Variants in ASXL1 observed in about 807,000 individuals in gnomAD.
The protein encoded by ASXL1 is ASXL transcriptional regulator 1.
In ASXL1, 65 loss-of-function variants were observed where a neutral mutation model predicts 89.1. The observed-to-expected ratio is 0.73, with a 90% CI of 0.60 to 0.90. The LOEUF (loss-of-function observed/expected upper bound fraction) is 0.90. Among genes scored for constraint, ASXL1 ranks in the 40% least tolerant of loss-of-function variants. The pLI is 0.00. For missense variants in ASXL1, 1,786 were observed against 1,942.9 expected, an observed-to-expected ratio of 0.92 and a Z score of 1.52; for synonymous variants, 739 against 746.9, an observed-to-expected ratio of 0.99 and a Z score of 0.17.
At position 32,435,900 on chromosome 20, in the gene ASXL1, A is replaced by G. The variant is rs773717376; in HGVS notation, c.3188A>G (p.Gln1063Arg). ...VTRTDGMVAPQSWVSRVCAVR... is the reference protein window; with the variant it reads ...VTRTDGMVAPRSWVSRVCAVR... Reference sequence around the variant, plus strand: ...AGGACAGATGGGATGGTTGCTCCTCAGAGCTGGGTGTCTCGAGTATGTGCG... The same window carrying G: ...AGGACAGATGGGATGGTTGCTCCTCGGAGCTGGGTGTCTCGAGTATGTGCG... Residue 1063 changes from glutamine (Q) to arginine (R), a missense_variant, in exon 13 of 13, where the codon CAG (glutamine) becomes CGG (arginine). By Grantham distance (43) the Gln-to-Arg change is conservative. This residue lies in a region of ASXL1 where 1,418 missense variants were observed against 1,427.8 expected (regional missense o/e 0.99). Transcript: ENST00000375687. 6.2e-7 allele frequency: 1 copy of G among 1,614,202 alleles called. No individual in the cohort carries two copies.
In ASXL1 at chr20:32,433,313, A is replaced by G. The variant is rs2123252570; in HGVS notation, c.1115A>G (p.Gln372Arg). The G allele has an allele frequency of 1.2e-6, 2 of 1,614,186 alleles. No homozygotes were observed. ...GGTTTGACCAAAGAAGAGTCATTGC[A>G]GCAGAACGTGGGCCAGGAGGAGGCT... is the stretch of plus-strand genomic sequence containing the variant. Reference protein sequence around the residue: ...KLGLTKEESLQQNVGQEEAEI... With the variant: ...KLGLTKEESLRQNVGQEEAEI... The change falls in exon 12 of 13, where the codon CAG becomes CGG. Residue 372 changes from glutamine (Q) to arginine (R), a missense_variant. By Grantham distance (43) the Gln-to-Arg change is conservative. This residue lies in a region of ASXL1 where 1,418 missense variants were observed against 1,427.8 expected (regional missense o/e 0.99). Coordinates refer to ENST00000375687, the MANE Select transcript of ASXL1 (RefSeq NM_015338.6).
Position 32,433,508 on chromosome 20 carries a change from A to C in ASXL1, c.1310A>C (p.Lys437Thr). Residue 437 changes from lysine (K) to threonine (T), a missense_variant, in exon 12 of 13, where the codon AAG becomes ACG. Around this residue, in one of 3 missense-constraint regions of ASXL1, gnomAD observed 1,418 missense variants for 1,427.8 expected, o/e 0.99. Coordinates refer to ENST00000375687, the MANE Select transcript of ASXL1 (RefSeq NM_015338.6). ...GAGTCAGAACAAGCAGGGGTTGCTA[A>C]GGATGCAAAATCTGTGGCCTCAGAT... ...KQESEQAGVA[K>T]DAKSVASDVP... 1 of 1,614,210 alleles carries C rather than the reference A, an allele frequency of 6.2e-7. No homozygotes were observed. Among genetic ancestry groups the C allele is most frequent in the Non-Finnish European group, 8.5e-7 (1 of 1,180,030 alleles).
chr20:32,376,435 C>T (rs533732649), intron 4 of ASXL1, among the ~76,000 whole-genome samples: 5 of 151,896 alleles, frequency 3.3e-5, no homozygotes, highest in African/African-American at 7.2e-5. Flanking sequence ...CCACCACACC[C>T]GACTAATTTT....
chr20:32,375,164 T>C (rs950439750), intron 4 of ASXL1, among the ~76,000 whole-genome samples: 13 of 152,124 alleles, frequency 8.5e-5, no homozygotes, highest in Admixed American at 6.6e-5. Flanking sequence ...TTAGATAGTA[T>C]GTCTTAAGAA....
Position 32,436,784 on chromosome 20 carries a change from C to G in ASXL1, c.4072C>G (p.Pro1358Ala), listed in dbSNP as rs554525759. The change falls in exon 13 of 13, where the codon CCA becomes GCA. Residue 1358 changes from proline to alanine, a missense_variant. Physicochemically the swap from Pro to Ala is conservative, Grantham distance 27. Coordinates refer to ENST00000375687, the MANE Select transcript of ASXL1 (RefSeq NM_015338.6). ...GVQTPREDWA[P>A]KPHAFVGSVK... ...ACAGACTCCAAGGGAAGACTGGGCT[C>G]CAAAGCCACATGCCTTTGTTGGCAG... 7 of 1,614,196 alleles carry G rather than the reference C, an allele frequency of 4.3e-6. No homozygotes were observed. In the Admixed American group the frequency reaches 5.0e-5, roughly 12 times the overall value.
At chr20:32,413,404 TATTTCA>T (rs1277900310) in intron 4 of ASXL1, among the ~76,000 whole-genome samples, 1 of 152,178 alleles carries the variant, frequency 6.6e-6, no homozygotes. Flanking sequence ...AATCATGTTA[TATTTCA>T]CATAATTCAA....
chr20:32,404,725 A>G (rs953057196), intron 4 of ASXL1, among the ~76,000 whole-genome samples: 1 of 152,196 alleles, frequency 6.6e-6, no homozygotes, highest in African/African-American at 2.4e-5. Flanking sequence ...CCGCTTTCAG[A>G]TAGAAAGCCT....
At chr20:32,400,962 C>G (rs2123052611) in intron 4 of ASXL1, among the ~76,000 whole-genome samples, 1 of 152,216 alleles carries the variant, frequency 6.6e-6, no homozygotes, top group African/African-American at 2.4e-5. Context: ...TAAATCTGGT[C>G]CCTGTTGTGC....
chr20:32,424,532 T>A (rs1377465774), intron 4 of ASXL1, among the ~76,000 whole-genome samples: 1 of 152,094 alleles, frequency 6.6e-6, no homozygotes, highest in African/African-American at 2.4e-5. Context: ...GAGACTCTTG[T>A]CTCAAAAAAC....
chr20:32,369,249 A>T (rs2048256987), intron 4 of ASXL1, 126 bp downstream of exon 4: 1 of 915,364 alleles, frequency 1.1e-6, no homozygotes, highest in Non-Finnish European at 1.8e-6. Flanking sequence ...GGTGACACTG[A>T]TGTTTTTCTT....
chr20:32,384,411 G>A (rs896953092), intron 4 of ASXL1, among the ~76,000 whole-genome samples: 2 of 152,010 alleles, frequency 1.3e-5, no homozygotes, highest in Admixed American at 6.6e-5. Context: ...CCCCAGGCTG[G>A]TCTTAAACTC....
intron 4 of ASXL1, among the ~76,000 whole-genome samples, chr20:32,404,752 A>G (rs552883217): frequency 6.6e-6 from 1 of 152,294 alleles, no homozygotes; most frequent in East Asian, 1.9e-4. Flanking sequence ...TTTCACCACT[A>G]GTATGATGTT....
intron 4 of ASXL1, among the ~76,000 whole-genome samples, chr20:32,407,605 AG>A (rs1387026727): frequency 2.0e-5 from 3 of 152,066 alleles, no homozygotes; most frequent in African/African-American, 7.2e-5. Flanking sequence ...CTGGGACTAC[AG>A]ACACGTGCCA....
chr20:32,414,290 C>G (rs2049099098), intron 4 of ASXL1, among the ~76,000 whole-genome samples: 1 of 151,090 alleles, frequency 6.6e-6, no homozygotes, highest in Non-Finnish European at 1.5e-5. Flanking sequence ...GTGGGACTCT[C>G]TTAATGGAGC....
At chr20:32,361,196 A>C (rs2048104542) in intron 1 of ASXL1, among the ~76,000 whole-genome samples, 1 of 152,204 alleles carries the variant, frequency 6.6e-6, no homozygotes, top group Non-Finnish European at 1.5e-5. Flanking sequence ...ACAGCAACAA[A>C]ATGAGCTGGG....
At chr20:32,359,920 G>A in intron 1 of ASXL1, 2 of 703,476 alleles carry the variant, frequency 2.8e-6, no homozygotes, top group South Asian at 3.0e-5. Context: ...CTGTCACACA[G>A]CGAGGTTGTG....
Position 32,435,738 on chromosome 20 carries a change from T to C in ASXL1, c.3026T>C (p.Leu1009Pro). The C allele has an allele frequency of 6.2e-7, 1 of 1,614,100 alleles. No individual in the cohort carries two copies. Among genetic ancestry groups the C allele is most frequent in the East Asian group, 2.2e-5 (1 of 44,870 alleles). ...TDTASDFEGH[L>P]TEDSSEADTR... ...ACAGCCTCTGACTTTGAAGGTCACCTCACGGAGGACAGCAGTGAGGCTGAC... is the reference window on the plus strand; with the variant it reads ...ACAGCCTCTGACTTTGAAGGTCACCCCACGGAGGACAGCAGTGAGGCTGAC... The change falls in exon 13 of 13, where the codon CTC (leucine) becomes CCC (proline). Residue 1009 changes from leucine (L) to proline (P), a missense_variant. Physicochemically the swap from Leu to Pro is moderately conservative, Grantham distance 98. Coordinates refer to ENST00000375687, the MANE Select transcript of ASXL1 (RefSeq NM_015338.6).
chr20:32,433,065 A>C, intron 11 of ASXL1, 80 bp downstream of exon 11: 2 of 1,583,644 alleles, frequency 1.3e-6, no homozygotes, highest in Non-Finnish European at 1.7e-6. Flanking sequence ...GCATATACTT[A>C]TGTGTTGGAC....
At chr20:32,359,314 A>C (rs555982581) in intron 1 of ASXL1, 1 of 702,472 alleles carries the variant, frequency 1.4e-6, no homozygotes, top group African/African-American at 1.7e-5. Context: ...TGGCATGTTG[A>C]GCTTTCCCAA....
Sources: gnomAD v4.1 joint callset for allele counts (sites outside exome capture counted in the v4.1 genomes callset) on GRCh38, gnomAD v4.1.1 for gene constraint, gnomAD v4.1.1 regional missense constraint, MANE v1.5 for transcripts, NCBI Gene and HGNC (gene_info 2026-07-23, HGNC 2026-07-21) for gene names.